TADA2B: variants seen among roughly 807,000 people sequenced by gnomAD.
The protein encoded by TADA2B is transcriptional adaptor 2B.
TADA2B carries 13 observed loss-of-function variants against 34.5 expected under a neutral mutation model. The ratio of observed to expected loss-of-function variants is 0.38; its 90% CI spans 0.25 to 0.60. The LOEUF (loss-of-function observed/expected upper bound fraction) is 0.60. Ranked by LOEUF, TADA2B falls within the 20% of genes least tolerant of loss-of-function variation. TADA2B has a pLI of 0.65. For synonymous variants in TADA2B, 240 were observed against 243.4 expected, an observed-to-expected ratio of 0.99 and a Z score of 0.13; for missense variants, 442 against 575.0, an observed-to-expected ratio of 0.77 and a Z score of 2.37.
chr4:7,048,158 A>G (rs1417008321), intron 1 of TADA2B, among the ~76,000 whole-genome samples: 4 of 152,162 alleles, frequency 2.6e-5, no homozygotes, highest in African/African-American at 9.7e-5. Context: ...ATTTGGATGG[A>G]TGGAAAGAAC....
chr4:7,053,461 A>G (rs1723813721), intron 1 of TADA2B: 2 of 152,368 alleles, frequency 1.3e-5, no homozygotes. Context: ...CCGGCGCATG[A>G]AGGCCAGGAT....
At chr4:7,053,260 C>T (rs762319100) in intron 1 of TADA2B, 5 of 152,284 alleles carry the variant, frequency 3.3e-5, no homozygotes, top group Non-Finnish European at 5.9e-5. Context: ...GGGAGTTATA[C>T]AGTTTCCTCC....
Position 7,054,103 on chromosome 4 carries a change from A to AGG in TADA2B, c.313_314insGG (p.Glu105GlyfsTer3). The AGG allele has an allele frequency of 6.2e-7, 1 of 1,600,612 alleles. No homozygotes were observed. Among genetic ancestry groups the AGG allele is most frequent in the Non-Finnish European group, 8.5e-7 (1 of 1,173,878 alleles). On this transcript the variant is annotated frameshift_variant, in exon 2 of 2. Coordinates refer to ENST00000310074, the MANE Select transcript of TADA2B (RefSeq NM_152293.3). LOFTEE classifies it high-confidence loss of function. ...ACGTTGGTGCTTCCCGGACTCCCCA[A>AGG]GAGGTGATGGAGCATTACGTGAGCA...
rs1394918680 is a variant in TADA2B, at chr4:7,055,890, A to AT, written c.*840dup. 4 of 152,122 alleles carry AT rather than the reference A, an allele frequency of 2.6e-5. No homozygotes were observed. The highest frequency in any genetic ancestry group is 5.9e-5 in the Non-Finnish European group (4 of 68,036). The allele number at this position is 152,122 out of a possible 1,614,324, so 9.4% of individuals were successfully genotyped here. Reference sequence around the variant, plus strand: ...GTGGACCGCCAGGCCCTCTCAGTCCATTTTCCGGGGCTGCTCGGTGCTGCT... The same window carrying AT: ...GTGGACCGCCAGGCCCTCTCAGTCCATTTTTCCGGGGCTGCTCGGTGCTGCT... On this transcript the variant is annotated 3_prime_UTR_variant, in exon 2 of 2. Coordinates refer to ENST00000310074, the MANE Select transcript of TADA2B (RefSeq NM_152293.3).
chr4:7,048,306 GGA>G (rs1723683494), intron 1 of TADA2B, among the ~76,000 whole-genome samples: 1 of 152,138 alleles, frequency 6.6e-6, no homozygotes, highest in Non-Finnish European at 1.5e-5. Flanking sequence ...AGCCCGGATG[GGA>G]GAGTGGCTGG....
chr4:7,047,534 G>T (rs1185141510), intron 1 of TADA2B, among the ~76,000 whole-genome samples: 2 of 152,246 alleles, frequency 1.3e-5, no homozygotes, highest in East Asian at 3.8e-4. Flanking sequence ...TGCCTTGTGC[G>T]TGCATTCATT....
chr4:7,045,844 G>C (rs1400026667), intron 1 of TADA2B: 1 of 152,254 alleles, frequency 6.6e-6, no homozygotes, highest in Non-Finnish European at 1.5e-5. Flanking sequence ...CAGAACACAA[G>C]ACCTGGGGAA....
In TADA2B at chr4:7,055,132, C is replaced by T. The variant is rs1723859996; in HGVS notation, c.*78C>T. ...ATGACTTGGGGGAGGGGAGCCGCTT[C>T]CCCACTGTTGCTCTTTTTTAAACAA... On this transcript the variant is annotated 3_prime_UTR_variant, in exon 2 of 2. Coordinates refer to ENST00000310074, the MANE Select transcript of TADA2B (RefSeq NM_152293.3). 1 of 1,408,732 alleles carries T rather than the reference C, an allele frequency of 7.1e-7. No homozygotes were observed. Among genetic ancestry groups the T allele is most frequent in the African/African-American group, 1.4e-5 (1 of 69,122 alleles). The allele number at this position is 1,408,732 out of a possible 1,614,324, so 87.3% of individuals were successfully genotyped here.
intron 1 of TADA2B, among the ~76,000 whole-genome samples, chr4:7,050,791 G>A (rs948775381): frequency 5.3e-5 from 8 of 152,250 alleles, no homozygotes; most frequent in Admixed American, 2.6e-4. Context: ...CCCAGCGTCC[G>A]GCTTCGCTCT....
At position 7,057,029 on chromosome 4, in the gene TADA2B, T is replaced by TATGG. The variant is rs1329321116; in HGVS notation, c.*1976_*1979dup. ...ACTGGATGTAAGCTTGCTTGAGAAC[T>TATGG]ATGGGTTTTAGCTATTCTGGTGTCT... On this transcript the variant is annotated 3_prime_UTR_variant, in exon 2 of 2. Coordinates refer to ENST00000310074, the MANE Select transcript of TADA2B (RefSeq NM_152293.3). 6.6e-6 allele frequency: 1 copy of TATGG among 152,246 alleles called. No individual in the cohort carries two copies. The highest frequency in any genetic ancestry group is 1.5e-5 in the Non-Finnish European group (1 of 68,032). 9.4% of individuals were successfully genotyped at this position (152,246 alleles called of 1,614,324 possible).
rs533960430 is a variant in TADA2B at position 7,054,914 on chromosome 4, A to G, written c.1123A>G (p.Ile375Val). The change falls in exon 2 of 2, where the codon ATT (isoleucine) becomes GTT (valine). Residue 375 changes from isoleucine (I) to valine (V), a missense_variant. By Grantham distance (29) the Ile-to-Val change is conservative (BLOSUM62 3). Transcript: ENST00000310074. The part of the protein sequence containing the change: ...SPARYVTVKT[I>V]IIKDHLQKRQ... ...AGCCCGCTACGTGACTGTGAAGACT[A>G]TTATAATTAAAGACCACCTCCAGAA... 6.2e-6 allele frequency: 10 copies of G among 1,613,976 alleles called. No homozygotes were observed. Among genetic ancestry groups the G allele is most frequent in the South Asian group, 5.5e-5 (5 of 91,088 alleles).
At chr4:7,051,025 G>A (rs1723754407) in intron 1 of TADA2B, among the ~76,000 whole-genome samples, 1 of 152,200 alleles carries the variant, frequency 6.6e-6, no homozygotes, top group Non-Finnish European at 1.5e-5. Context: ...CTCCTCCGTG[G>A]GAAGCGCACG....
intron 1 of TADA2B, among the ~76,000 whole-genome samples, chr4:7,052,610 G>A (rs1245639373): frequency 1.3e-5 from 2 of 152,198 alleles, no homozygotes; most frequent in Non-Finnish European, 2.9e-5. Context: ...TGACAGACCC[G>A]AGGCTCAGAG....
rs1413686967 is a variant in TADA2B at position 7,043,868 on chromosome 4, G to T, written c.270+19G>T. On this transcript the variant is annotated intron_variant, in intron 1 of 1. Transcript: ENST00000310074. ...AAACTGGGTGAGCGGCGCGACGGGG[G>T]CCGGGTCCCGGCTAGGGCACTGGAA... is the stretch of plus-strand genomic sequence containing the variant. The T allele has an allele frequency of 6.9e-7, 1 of 1,456,924 alleles. No individual in the cohort carries two copies. Among genetic ancestry groups the T allele is most frequent in the African/African-American group, 1.5e-5 (1 of 68,696 alleles). 90.2% of individuals were successfully genotyped at this position (1,456,924 alleles called of 1,614,324 possible). A position where few individuals can be genotyped will look rare whatever the true frequency, so the allele number is the denominator to read the frequency against.
intron 1 of TADA2B, among the ~76,000 whole-genome samples, chr4:7,047,692 A>G (rs1723668777): frequency 6.6e-6 from 1 of 152,234 alleles, no homozygotes; most frequent in South Asian, 2.1e-4. Flanking sequence ...GGAGGGAAGG[A>G]CACAAGATGG....
At chr4:7,046,930 G>A (rs1437354622) in intron 1 of TADA2B, among the ~76,000 whole-genome samples, 1 of 152,120 alleles carries the variant, frequency 6.6e-6, no homozygotes, top group Non-Finnish European at 1.5e-5. Flanking sequence ...AGCTGAGCAG[G>A]GTTAACAGTG....
chr4:7,051,609 T>G (rs1723771314), intron 1 of TADA2B, among the ~76,000 whole-genome samples: 1 of 151,818 alleles, frequency 6.6e-6, no homozygotes, highest in Non-Finnish European at 1.5e-5. Context: ...TTTTTGGTTT[T>G]GTTTTTGAGA....
intron 1 of TADA2B, among the ~76,000 whole-genome samples, chr4:7,050,924 G>A (rs1320878246): frequency 1.3e-5 from 2 of 152,232 alleles, no homozygotes; most frequent in Non-Finnish European, 2.9e-5. Flanking sequence ...GTGTGGAAGT[G>A]GCTCAGCATT....
At chr4:7,050,200 G>T (rs532647532) in intron 1 of TADA2B, among the ~76,000 whole-genome samples, 131 of 152,380 alleles carry the variant, frequency 8.6e-4, no homozygotes, top group African/African-American at 3.0e-3. Flanking sequence ...CCTGTGGTTG[G>T]TGTGTTTCTT....
Sources: allele counts gnomAD v4.1 joint callset (sites outside exome capture counted in the v4.1 genomes callset), GRCh38; gene constraint gnomAD v4.1.1; transcripts MANE v1.5; gene names NCBI Gene and HGNC (gene_info 2026-07-23, HGNC 2026-07-21).